The following ARSB variants were observed in gnomAD, a reference collection of about 807,000 sequenced individuals.
ARSB encodes the protein arylsulfatase B.
In ARSB, 41 loss-of-function variants were observed where a neutral mutation model predicts 50.9. That is an observed-to-expected ratio of 0.81 (90% confidence interval 0.63 to 1.04). The LOEUF (loss-of-function observed/expected upper bound fraction) is 1.04, where lower values mean the gene tolerates loss of function less well. Among genes scored for constraint, ARSB ranks in the 50% least tolerant of loss-of-function variants. The pLI is 0.00. For missense variants in ARSB, 672 were observed against 693.3 expected, an observed-to-expected ratio of 0.97 and a Z score of 0.35; for synonymous variants, 269 against 284.8, an observed-to-expected ratio of 0.94 and a Z score of 0.56.
intron 6 of ARSB, among the ~76,000 whole-genome samples, chr5:78,796,242 T>A (rs1278936915): frequency 6.6e-6 from 1 of 152,276 alleles, no homozygotes; most frequent in Non-Finnish European, 1.5e-5. Flanking sequence ...AATACCTATG[T>A]TGTTGATCAC....
intron 1 of ARSB, among the ~76,000 whole-genome samples, chr5:78,979,188 T>C (rs1418421984): frequency 1.3e-5 from 2 of 152,128 alleles, no homozygotes; most frequent in East Asian, 3.8e-4. Flanking sequence ...TGAGTAAACA[T>C]TTCTCCAAAG....
chr5:78,966,537 A>G (rs184540742), intron 2 of ARSB, among the ~76,000 whole-genome samples: 45 of 152,332 alleles, frequency 3.0e-4, no homozygotes, highest in African/African-American at 1.1e-3. Flanking sequence ...ATTTTTAGCA[A>G]AAGAGCTGAG....
chr5:78,823,745 G>C (rs1744326330), intron 6 of ARSB, among the ~76,000 whole-genome samples: 1 of 152,176 alleles, frequency 6.6e-6, no homozygotes, highest in African/African-American at 2.4e-5. Context: ...TTGCTGGCTT[G>C]AATATATCTT....
At chr5:78,869,311 A>G in intron 5 of ARSB, among the ~76,000 whole-genome samples, 1 of 135,270 alleles carries the variant, frequency 7.4e-6, no homozygotes, top group African/African-American at 2.8e-5. Context: ...CACCAAGCGG[A>G]CCTAATAGAC....
chr5:78,942,424 C>G (rs989180223), intron 4 of ARSB, among the ~76,000 whole-genome samples: 3 of 152,128 alleles, frequency 2.0e-5, no homozygotes, highest in Non-Finnish European at 4.4e-5. Context: ...GCATTTAGTG[C>G]TACAAATTTC....
intron 6 of ARSB, among the ~76,000 whole-genome samples, chr5:78,834,360 C>T (rs1363806959): frequency 6.6e-6 from 1 of 151,708 alleles, no homozygotes; most frequent in Non-Finnish European, 1.5e-5. Context: ...TCATCATCAC[C>T]ATCCATCTCT....
intron 6 of ARSB, among the ~76,000 whole-genome samples, chr5:78,820,712 G>T (rs541295260): frequency 1.7e-4 from 26 of 152,266 alleles, no homozygotes; most frequent in African/African-American, 6.3e-4. Context: ...AAAACTCTTT[G>T]TCATAGGGCT....
chr5:78,852,313 T>G (rs957866769), intron 5 of ARSB, among the ~76,000 whole-genome samples: 6 of 152,196 alleles, frequency 3.9e-5, no homozygotes, highest in Non-Finnish European at 8.8e-5. Context: ...CCTTCACTTA[T>G]GAAGCTTAGT....
chr5:78,946,028 T>C (rs1198992382), intron 4 of ARSB, among the ~76,000 whole-genome samples: 1 of 152,216 alleles, frequency 6.6e-6, no homozygotes, highest in East Asian at 1.9e-4. Context: ...AAGGGAGCAA[T>C]ATGTCCCAGT....
chr5:78,783,853 T>C (rs1748999270), intron 6 of ARSB, among the ~76,000 whole-genome samples: 2 of 152,220 alleles, frequency 1.3e-5, no homozygotes, highest in Admixed American at 1.3e-4. Context: ...AGCCTAAGAC[T>C]AAACTATGAA....
intron 6 of ARSB, among the ~76,000 whole-genome samples, chr5:78,823,599 T>A (rs988598333): frequency 6.6e-6 from 1 of 152,170 alleles, no homozygotes; most frequent in African/African-American, 2.4e-5. Flanking sequence ...GACCTTCTTC[T>A]AGGGTGGTAG....
intron 5 of ARSB, among the ~76,000 whole-genome samples, chr5:78,857,911 T>C (rs1261094951): frequency 6.6e-6 from 1 of 152,244 alleles, no homozygotes; most frequent in African/African-American, 2.4e-5. Flanking sequence ...TAGCTTGCAC[T>C]GATAGAACAT....
intron 6 of ARSB, among the ~76,000 whole-genome samples, chr5:78,797,022 C>T (rs1362151764): frequency 1.3e-5 from 2 of 151,700 alleles, no homozygotes; most frequent in East Asian, 1.9e-4. Context: ...GGACTACAGG[C>T]GCCCGCCACT....
intron 3 of ARSB, among the ~76,000 whole-genome samples, chr5:78,959,212 C>A (rs919465064): frequency 1.3e-5 from 2 of 152,172 alleles, no homozygotes; most frequent in Non-Finnish European, 2.9e-5. Context: ...CTCTCTCCTG[C>A]TGCCACGTGA....
intron 5 of ARSB, among the ~76,000 whole-genome samples, chr5:78,867,210 T>C (rs1488761127): frequency 1.3e-5 from 2 of 151,892 alleles, no homozygotes; most frequent in African/African-American, 4.8e-5. Context: ...CAGTCTGAGA[T>C]CAAACTGCAA....
At chr5:78,932,644 T>C (rs540614129) in intron 4 of ARSB, among the ~76,000 whole-genome samples, 6 of 152,338 alleles carry the variant, frequency 3.9e-5, no homozygotes. Flanking sequence ...GGAAGTGCTA[T>C]GCTTTGAATG....
rs764623204 is a variant in ARSB, at chr5:78,781,827, A to G, written c.1336+25T>C. 4 of 1,613,904 alleles carry G rather than the reference A, an allele frequency of 2.5e-6. No individual in the cohort carries two copies. The Admixed American group carries it at 5.0e-5, about 20-fold the overall frequency. ...CCTGCTTTGTCTACCACGGGAAGGG[A>G]AGTTTGCTAAGCTAAGGACTCTACC... On this transcript the variant is annotated intron_variant, in intron 7 of 7. Transcript: ENST00000264914.
chr5:78,883,975 A>G (rs1747885059), intron 5 of ARSB: 1 of 152,240 alleles, frequency 6.6e-6, no homozygotes. Context: ...AATTGGTCAA[A>G]GTATGGTATT....
chr5:78,902,532 T>A (rs1310328771), intron 4 of ARSB, among the ~76,000 whole-genome samples: 7 of 152,208 alleles, frequency 4.6e-5, no homozygotes, highest in African/African-American at 1.4e-4. Context: ...ATGGATTTTT[T>A]AAAATGTATA....
Sources: gnomAD v4.1 joint callset for allele counts (sites outside exome capture counted in the v4.1 genomes callset) on GRCh38, gnomAD v4.1.1 for gene constraint, MANE v1.5 for transcripts, NCBI Gene and HGNC (gene_info 2026-07-23, HGNC 2026-07-21) for gene names.